The following CCDC148 variants were observed in gnomAD, a reference collection of about 807,000 sequenced individuals.
CCDC148 encodes coiled-coil domain containing 148.
A neutral mutation model predicts 85.7 loss-of-function variants in CCDC148; 89 were observed. That is an observed-to-expected ratio of 1.04 (90% CI 0.87 to 1.24). CCDC148 has a LOEUF of 1.24. CCDC148 is among the 50% of genes most tolerant of loss of function. The pLI is 0.00. For missense variants in CCDC148, 692 were observed against 671.7 expected, an observed-to-expected ratio of 1.03 and a Z score of -0.33; for synonymous variants, 230 against 213.9, an observed-to-expected ratio of 1.08 and a Z score of -0.66.
chr2:158,258,111 A>T (rs1258475217), intron 9 of CCDC148, among the ~76,000 whole-genome samples: 2 of 151,886 alleles, frequency 1.3e-5, no homozygotes, highest in Non-Finnish European at 2.9e-5. Context: ...TTTTGTGGAT[A>T]GCAACTAGCA....
chr2:158,441,049 T>C (rs1687911122), intron 1 of CCDC148, among the ~76,000 whole-genome samples: 1 of 152,062 alleles, frequency 6.6e-6, no homozygotes, highest in Admixed American at 6.6e-5. Flanking sequence ...AGTGAGACCC[T>C]GTCTCTTAAA....
At chr2:158,247,700 A>C (rs1359169238) in intron 10 of CCDC148, among the ~76,000 whole-genome samples, 3 of 152,038 alleles carry the variant, frequency 2.0e-5, no homozygotes, top group Admixed American at 6.6e-5. Context: ...TACTAAAAAT[A>C]CAAAAATTAG....
intron 9 of CCDC148, among the ~76,000 whole-genome samples, chr2:158,269,609 C>T (rs1462850229): frequency 6.6e-6 from 1 of 152,162 alleles, no homozygotes; most frequent in Non-Finnish European, 1.5e-5. Flanking sequence ...TTCTCTCTTC[C>T]ACCCCTTCCC....
chr2:158,405,600 A>T (rs1337780155), intron 1 of CCDC148, among the ~76,000 whole-genome samples: 1 of 152,176 alleles, frequency 6.6e-6, no homozygotes, highest in Non-Finnish European at 1.5e-5. Context: ...AATAAGTGTA[A>T]AATATTTTTA....
At chr2:158,331,328 T>C (rs535615977) in intron 7 of CCDC148, among the ~76,000 whole-genome samples, 4 of 152,336 alleles carry the variant, frequency 2.6e-5, no homozygotes, top group Admixed American at 6.5e-5. Context: ...TGAGTGAGTT[T>C]CTTAATCCTG....
At chr2:158,381,745 C>A (rs1384924287) in intron 1 of CCDC148, among the ~76,000 whole-genome samples, 1 of 152,090 alleles carries the variant, frequency 6.6e-6, no homozygotes, top group African/African-American at 2.4e-5. Flanking sequence ...GAAAAACTAG[C>A]CGAGTGTGGT....
At chr2:158,419,038 T>C (rs924295232) in intron 1 of CCDC148, among the ~76,000 whole-genome samples, 5 of 152,140 alleles carry the variant, frequency 3.3e-5, no homozygotes, top group Non-Finnish European at 7.4e-5. Flanking sequence ...ATAACCCAAA[T>C]GTGTGCCAGG....
rs141019367 is a variant in CCDC148 at position 158,273,449 on chromosome 2, T to G, written c.1111-22537A>C. ...TATAAAATGTCCCCCAAAGTACTTC[T>G]GGGGTGTAACAGAAGATACACTAAC... is the stretch of plus-strand genomic sequence containing the variant. On this transcript the variant is annotated intron_variant, in intron 9 of 13. Transcript: ENST00000283233. Among the ~76,000 whole-genome samples the G allele has an allele frequency of 3.5e-3, 535 of 152,290 alleles. 3 individuals are homozygous for G. Among genetic ancestry groups the G allele is most frequent in the African/African-American group, 0.012 (507 of 41,552 alleles).
intron 9 of CCDC148, among the ~76,000 whole-genome samples, chr2:158,307,419 A>C (rs1376994879): frequency 6.6e-6 from 1 of 152,156 alleles, no homozygotes; most frequent in Non-Finnish European, 1.5e-5. Context: ...TAGCAATACC[A>C]ATGTTGGGGA....
intron 13 of CCDC148, among the ~76,000 whole-genome samples, chr2:158,175,140 T>C (rs1027706274): frequency 6.6e-6 from 1 of 152,004 alleles, no homozygotes; most frequent in Non-Finnish European, 1.5e-5. Flanking sequence ...CCCCACCCTC[T>C]TCCGCTTGGT....
intron 11 of CCDC148, among the ~76,000 whole-genome samples, chr2:158,187,434 T>G (rs1471505272): frequency 6.6e-6 from 1 of 151,952 alleles, no homozygotes; most frequent in Non-Finnish European, 1.5e-5. Flanking sequence ...CTTTCATTCT[T>G]TTTACTGGAA....
At chr2:158,448,653 A>C (rs73001378) in intron 1 of CCDC148, among the ~76,000 whole-genome samples, 1 of 151,374 alleles carries the variant, frequency 6.6e-6, no homozygotes, top group East Asian at 2.0e-4. Context: ...CTGTATTTCC[A>C]TTTTAAAATT....
At chr2:158,434,326 T>G (rs1687529868) in intron 1 of CCDC148, among the ~76,000 whole-genome samples, 1 of 152,216 alleles carries the variant, frequency 6.6e-6, no homozygotes. Flanking sequence ...TATGCTGTTC[T>G]GCAGCCTCCA....
In CCDC148 at chr2:158,246,207, G is replaced by C. The variant is rs6437150; in HGVS notation, c.1251+4565C>G. Among the ~76,000 whole-genome samples the C allele has an allele frequency of 3.2e-3, 493 of 152,288 alleles. 1 individual carries two copies. Among genetic ancestry groups the C allele is most frequent in the African/African-American group, 0.011 (476 of 41,550 alleles). ...GGAAAGCCAGGTAGATGAGACAGCA[G>C]ATGGGGGGAAAACAGAGCACCAGCT... On this transcript the variant is annotated intron_variant, in intron 10 of 13. Coordinates refer to ENST00000283233, the MANE Select transcript of CCDC148 (RefSeq NM_138803.4).
chr2:158,411,639 T>C (rs148004363), intron 1 of CCDC148, among the ~76,000 whole-genome samples: 94 of 152,308 alleles, frequency 6.2e-4, no homozygotes, highest in African/African-American at 2.0e-3. Context: ...TCAAGCTTTT[T>C]TAAACAAATT....
At chr2:158,206,120 A>G (rs1686228493) in intron 11 of CCDC148, among the ~76,000 whole-genome samples, 1 of 152,134 alleles carries the variant, frequency 6.6e-6, no homozygotes, top group Non-Finnish European at 1.5e-5. Context: ...CACAAGAACC[A>G]TATAAGGTAT....
At chr2:158,436,011 C>A (rs1559143838) in intron 1 of CCDC148, among the ~76,000 whole-genome samples, 1 of 152,210 alleles carries the variant, frequency 6.6e-6, no homozygotes, top group South Asian at 2.1e-4. Flanking sequence ...GACTTAGACC[C>A]CCACACAATA....
At chr2:158,419,525 A>T (rs556611833) in intron 1 of CCDC148, among the ~76,000 whole-genome samples, 65 of 152,280 alleles carry the variant, frequency 4.3e-4, no homozygotes, top group African/African-American at 1.5e-3. Flanking sequence ...GGCTTTGAAC[A>T]ATTTGCTTAA....
At chr2:158,334,602 T>C (rs896082105) in intron 7 of CCDC148, among the ~76,000 whole-genome samples, 24 of 152,108 alleles carry the variant, frequency 1.6e-4, no homozygotes, top group East Asian at 1.9e-4. Context: ...CTGAGTCGAA[T>C]AGAATGAAGA....
Sources: allele counts gnomAD v4.1 joint callset (sites outside exome capture counted in the v4.1 genomes callset), GRCh38; gene constraint gnomAD v4.1.1; transcripts MANE v1.5; gene names NCBI Gene and HGNC (gene_info 2026-07-23, HGNC 2026-07-21).